KLRG2: variants seen among roughly 807,000 people sequenced by gnomAD.
KLRG2 encodes the protein killer cell lectin like receptor G2, also known as killer cell lectin-like receptor subfamily G member 2.
KLRG2 carries 39 observed loss-of-function variants against 35.4 expected under a neutral mutation model. The ratio of observed to expected loss-of-function variants is 1.10; its 90% confidence interval spans 0.85 to 1.44. KLRG2 has a LOEUF of 1.44. Among genes scored for constraint, KLRG2 ranks in the 40% most tolerant of loss-of-function variants. The pLI, the probability that KLRG2 is intolerant of heterozygous loss-of-function variation, is 0.00. For missense variants in KLRG2, 632 were observed against 570.9 expected (o/e 1.11, Z -1.09); for synonymous variants, 283 against 265.8 (o/e 1.06, Z -0.63).
At chr7:139,463,853 T>C (rs1385923068) in intron 3 of KLRG2, among the ~76,000 whole-genome samples, 1 of 152,148 alleles carries the variant, frequency 6.6e-6, no homozygotes, top group Non-Finnish European at 1.5e-5. Flanking sequence ...TCCATCCCCT[T>C]CTTAATCAAT....
At chr7:139,446,710 G>A in the KLRG2 span, among the ~76,000 whole-genome samples, 1 of 151,890 alleles carries the variant, frequency 6.6e-6, no homozygotes, top group Non-Finnish European at 1.5e-5. Context: ...AAGCCAGAAT[G>A]TAGCATCTTT....
At chr7:139,432,911 A>G in the KLRG2 span, among the ~76,000 whole-genome samples, 2 of 152,092 alleles carry the variant, frequency 1.3e-5, no homozygotes, top group African/African-American at 2.4e-5. Flanking sequence ...AGGGAGGGCC[A>G]ACACCCAACT....
At chr7:139,477,224 T>C (rs1796866208) in intron 3 of KLRG2, among the ~76,000 whole-genome samples, 1 of 152,170 alleles carries the variant, frequency 6.6e-6, no homozygotes, top group Non-Finnish European at 1.5e-5. Context: ...CACTTCTGGG[T>C]ATATACTCTA....
intron 3 of KLRG2, among the ~76,000 whole-genome samples, chr7:139,474,987 C>T (rs1796825092): frequency 6.6e-6 from 1 of 152,148 alleles, no homozygotes; most frequent in Non-Finnish European, 1.5e-5. Flanking sequence ...AGGGAGGGTC[C>T]TGGCCCATCT....
the KLRG2 span, among the ~76,000 whole-genome samples, chr7:139,437,934 G>GC: frequency 6.6e-6 from 1 of 152,152 alleles, no homozygotes; most frequent in Non-Finnish European, 1.5e-5. Flanking sequence ...CCCCACCCCT[G>GC]CCCACTGAGT....
At chr7:139,442,209 TCACA>T in the KLRG2 span, among the ~76,000 whole-genome samples, 3 of 151,566 alleles carry the variant, frequency 2.0e-5, no homozygotes, top group Non-Finnish European at 4.4e-5. Context: ...GAATGCGGAG[TCACA>T]CAGACAAGCC....
chr7:139,436,875 G>A, the KLRG2 span, among the ~76,000 whole-genome samples: 25 of 152,208 alleles, frequency 1.6e-4, no homozygotes, highest in African/African-American at 4.8e-4. Context: ...CTACGACACT[G>A]CCAGGTGGCC....
At chr7:139,443,039 C>T in the KLRG2 span, among the ~76,000 whole-genome samples, 1 of 149,002 alleles carries the variant, frequency 6.7e-6, no homozygotes, top group Non-Finnish European at 1.5e-5. Context: ...GTACTATATA[C>T]ATTTAGTTAA....
the KLRG2 span, among the ~76,000 whole-genome samples, chr7:139,427,280 G>A: frequency 1.9e-4 from 29 of 152,314 alleles, no homozygotes; most frequent in East Asian, 5.6e-3. Flanking sequence ...CAGCACACTG[G>A]CATGTTCTCC....
Position 139,469,839 on chromosome 7 carries a change from G to T in KLRG2, c.1005+9788C>A, listed in dbSNP as rs770703082. ...CTGAGGGCTCCTGCTGGACCCTGAG[G>T]CCCGGCCATGCGTTCCGCACCCCTG... On this transcript the variant is annotated intron_variant, in intron 3 of 4. Coordinates refer to ENST00000340940, the MANE Select transcript of KLRG2 (RefSeq NM_198508.4). 2.6e-5 allele frequency among the ~76,000 whole-genome samples: 4 copies of T among 152,332 alleles called. No homozygotes were observed. The South Asian group carries it at 6.2e-4, about 24-fold the overall frequency.
chr7:139,481,505 C>T (rs1207771982), intron 1 of KLRG2, among the ~76,000 whole-genome samples: 1 of 152,206 alleles, frequency 6.6e-6, no homozygotes, highest in Non-Finnish European at 1.5e-5. Context: ...GCCTGCTTCT[C>T]AATCAGCCAA....
the KLRG2 span, among the ~76,000 whole-genome samples, chr7:139,443,836 G>T: frequency 6.6e-6 from 1 of 152,156 alleles, no homozygotes; most frequent in Non-Finnish European, 1.5e-5. Flanking sequence ...ACTGAGAATT[G>T]ACTCGTACTA....
At chr7:139,481,864 T>G (rs960281622) in intron 1 of KLRG2, among the ~76,000 whole-genome samples, 1 of 151,896 alleles carries the variant, frequency 6.6e-6, no homozygotes, top group East Asian at 1.9e-4. Flanking sequence ...GAGGCGAAGG[T>G]TGCAGTGAGC....
At chr7:139,451,490 C>T (rs1249828607), downstream of KLRG2, among the ~76,000 whole-genome samples, 2 of 151,918 alleles carry the variant, frequency 1.3e-5, no homozygotes, top group East Asian at 3.9e-4. Context: ...CAGAGCGAGA[C>T]TCGGCCTCAA....
the KLRG2 span, among the ~76,000 whole-genome samples, chr7:139,440,466 G>A: frequency 8.6e-6 from 1 of 116,062 alleles, no homozygotes; most frequent in Non-Finnish European, 1.6e-5. Context: ...ATCTTCCCAT[G>A]TTACCCAGGC....
chr7:139,428,764 T>G, the KLRG2 span, among the ~76,000 whole-genome samples: 50 of 152,290 alleles, frequency 3.3e-4, no homozygotes, highest in Middle Eastern at 6.8e-3. Context: ...TTATTGTTAA[T>G]TTTATTAGGT....
intron 3 of KLRG2, among the ~76,000 whole-genome samples, chr7:139,476,703 A>C (rs2116474931): frequency 6.6e-6 from 1 of 152,230 alleles, no homozygotes; most frequent in Non-Finnish European, 1.5e-5. Flanking sequence ...TCAGGCTCCC[A>C]AAGTGCTGGG....
chr7:139,468,984 C>T (rs1241943424), intron 3 of KLRG2, among the ~76,000 whole-genome samples: 1 of 152,120 alleles, frequency 6.6e-6, no homozygotes, highest in Admixed American at 6.5e-5. Flanking sequence ...TGTGAGGACA[C>T]AGGGAGAAGG....
intron 3 of KLRG2, 40 bp from the exon 4 acceptor site, chr7:139,454,254 G>A: frequency 9.8e-7 from 1 of 1,019,148 alleles, no homozygotes; most frequent in East Asian, 2.6e-5. Flanking sequence ...CCTGGACACT[G>A]GCGTGGCTTG....
Sources: allele counts gnomAD v4.1 joint callset (sites outside exome capture counted in the v4.1 genomes callset), GRCh38; gene constraint gnomAD v4.1.1; transcripts MANE v1.5; gene names NCBI Gene and HGNC (gene_info 2026-07-23, HGNC 2026-07-21).